ARHGEF26: variants seen among roughly 807,000 people sequenced by gnomAD.
ARHGEF26 encodes the protein Rho guanine nucleotide exchange factor (GEF) 26.
In ARHGEF26, 59 loss-of-function variants were observed where a neutral mutation model predicts 89.4. That is an observed-to-expected ratio of 0.66 (90% confidence interval 0.54 to 0.82). The LOEUF is 0.82. ARHGEF26 is among the 40% of genes least tolerant of loss of function. The pLI is 0.00. For synonymous variants in ARHGEF26, 500 were observed against 428.4 expected (o/e 1.17, Z -2.06); for missense variants, 1,234 against 1,085.6 (o/e 1.14, Z -1.92).
intron 6 of ARHGEF26, among the ~76,000 whole-genome samples, chr3:154,184,766 C>G (rs779736034): frequency 5.6e-4 from 85 of 152,208 alleles, no homozygotes; most frequent in Non-Finnish European, 1.1e-3. Context: ...TGCTCTGCTC[C>G]AGTTTTCTCG....
intron 9 of ARHGEF26, among the ~76,000 whole-genome samples, chr3:154,209,800 C>T (rs376612036): frequency 5.9e-5 from 9 of 152,196 alleles, no homozygotes; most frequent in African/African-American, 1.9e-4. Flanking sequence ...AGTCAGTCGA[C>T]GGCAAAGCCA....
At position 154,255,482 on chromosome 3, in the gene ARHGEF26, A is replaced by G; in HGVS notation, c.*9A>G. 4 of 1,609,942 alleles carry G rather than the reference A, an allele frequency of 2.5e-6. No homozygotes were observed. Among genetic ancestry groups the G allele is most frequent in the Non-Finnish European group, 3.4e-6 (4 of 1,178,060 alleles). ...TGGAGACCAACGTGTAGTCTCTCAG[A>G]TGGTCTTTTGTTACTGCAAGATTTG... is the stretch of plus-strand genomic sequence containing the variant. On this transcript the variant is annotated 3_prime_UTR_variant, in exon 15 of 15. Coordinates refer to ENST00000465093, the MANE Select transcript of ARHGEF26 (RefSeq NM_015595.4).
chr3:154,247,126 G>C (rs192372927), intron 12 of ARHGEF26, among the ~76,000 whole-genome samples: 1 of 151,674 alleles, frequency 6.6e-6, no homozygotes, highest in East Asian at 1.9e-4. Flanking sequence ...CCCTTTTTTT[G>C]AGATTATGTT....
chr3:154,223,882 T>G (rs993387), intron 10 of ARHGEF26, among the ~76,000 whole-genome samples: 30,976 of 152,068 alleles, frequency 0.2, 3,419 homozygotes, highest in South Asian at 0.36. Flanking sequence ...TTAAAAAAAT[T>G]ATTTGCTCTT....
At chr3:154,225,835 T>G (rs1252698728) in intron 10 of ARHGEF26, 21 bp from the exon 11 acceptor site, 1 of 1,577,810 alleles carries the variant, frequency 6.3e-7, no homozygotes, top group Non-Finnish European at 8.6e-7. Flanking sequence ...CTTTGGTCAC[T>G]GGGTTTTTCT....
chr3:154,212,253 C>T (rs552906237), intron 9 of ARHGEF26, among the ~76,000 whole-genome samples: 1 of 151,764 alleles, frequency 6.6e-6, no homozygotes, highest in East Asian at 1.9e-4. Context: ...ATTGCTTGAG[C>T]CCAGGTTGTT....
chr3:154,122,955 G>T lies in ARHGEF26; in HGVS notation c.963G>T (p.Val321=). The change falls in exon 2 of 15, where the codon GTG becomes GTT. Residue 321 remains valine, a synonymous_variant. Transcript: ENST00000465093. ...GGTCCACGTCTTATCGCAGGGCAGT[G>T]GTCAGTGGCTTTGATTTTGACAGTC... The part of the protein sequence containing the change: ...GLRSTSYRRA[V]VSGFDFDSPT... 6.2e-7 allele frequency: 1 copy of T among 1,613,744 alleles called. No individual in the cohort carries two copies.
At chr3:154,125,077 A>G (rs754927164) in intron 3 of ARHGEF26, among the ~76,000 whole-genome samples, 2 of 152,014 alleles carry the variant, frequency 1.3e-5, no homozygotes, top group South Asian at 2.1e-4. Context: ...CTGGAAGAGC[A>G]TGAAGGGAGC....
At chr3:154,244,352 T>G (rs1459060975) in intron 12 of ARHGEF26, among the ~76,000 whole-genome samples, 1 of 152,106 alleles carries the variant, frequency 6.6e-6, no homozygotes, top group East Asian at 1.9e-4. Context: ...TGGCTTTGAT[T>G]ACGTAAAGAA....
rs562117234 is a variant in ARHGEF26 at position 154,165,433 on chromosome 3, A to G, written c.1487+12501A>G. 6.3e-3 allele frequency among the ~76,000 whole-genome samples: 955 copies of G among 152,288 alleles called. 8 individuals carry two copies. Among genetic ancestry groups the G allele is most frequent in the African/African-American group, 0.022 (895 of 41,568 alleles). On this transcript the variant is annotated intron_variant, in intron 6 of 14. Transcript: ENST00000465093. ...TTTTCCAACTTAGAATGGGGAAAAC[A>G]GTATAATTATTTAGAACTAAGATAC...
intron 10 of ARHGEF26, among the ~76,000 whole-genome samples, chr3:154,222,529 C>T (rs928258932): frequency 6.6e-6 from 1 of 152,108 alleles, no homozygotes; most frequent in Non-Finnish European, 1.5e-5. Context: ...ATAGTACTTT[C>T]CCTCATGGAA....
intron 4 of ARHGEF26, among the ~76,000 whole-genome samples, chr3:154,144,695 C>G (rs1442990025): frequency 6.6e-6 from 1 of 152,170 alleles, no homozygotes. Context: ...AGCAAGTGTC[C>G]TGGTCTGCTT....
chr3:154,122,468 A>C lies in ARHGEF26; in HGVS notation c.476A>C (p.Glu159Ala). ...TPNAPAPCTPEEDLTGLTASP... is the reference protein window; with the variant it reads ...TPNAPAPCTPAEDLTGLTASP... ...AACGCGCCCGCCCCCTGCACCCCCG[A>C]GGAGGACCTTACTGGGTTGACTGCC... is the stretch of plus-strand genomic sequence containing the variant. The change falls in exon 2 of 15, where the codon GAG (glutamate) becomes GCG (alanine). Residue 159 changes from glutamate (E) to alanine (A), a missense_variant. Glu to Ala is a moderately radical substitution (Grantham distance 107). Transcript: ENST00000465093. The C allele has an allele frequency of 6.2e-7, 1 of 1,612,402 alleles. No homozygotes were observed. The highest frequency in any genetic ancestry group is 8.5e-7 in the Non-Finnish European group (1 of 1,179,660).
intron 6 of ARHGEF26, among the ~76,000 whole-genome samples, chr3:154,169,400 C>T (rs912881749): frequency 2.0e-5 from 3 of 152,016 alleles, no homozygotes; most frequent in Admixed American, 6.5e-5. Flanking sequence ...TCCTGACACG[C>T]GTGTTTCCAG....
chr3:154,199,145 A>T (rs1714466806), intron 9 of ARHGEF26, among the ~76,000 whole-genome samples: 1 of 151,954 alleles, frequency 6.6e-6, no homozygotes, highest in Non-Finnish European at 1.5e-5. Context: ...CATAGATCAT[A>T]TAGTAGGTCT....
chr3:154,184,103 G>T (rs1239666916), intron 6 of ARHGEF26, among the ~76,000 whole-genome samples: 1 of 151,780 alleles, frequency 6.6e-6, no homozygotes, highest in Non-Finnish European at 1.5e-5. Context: ...CTCCCGAGTA[G>T]CTGGGACTAC....
At chr3:154,168,997 G>T (rs201262204) in intron 6 of ARHGEF26, among the ~76,000 whole-genome samples, 2 of 151,342 alleles carry the variant, frequency 1.3e-5, no homozygotes, top group African/African-American at 4.9e-5. Flanking sequence ...AAAAAAAAAA[G>T]ATTAGAAATG....
At chr3:154,134,448 C>T (rs955958397) in intron 4 of ARHGEF26, among the ~76,000 whole-genome samples, 13 of 152,056 alleles carry the variant, frequency 8.5e-5, no homozygotes, top group African/African-American at 3.1e-4. Flanking sequence ...GAGAAACTTC[C>T]GTTTTTAAAA....
intron 4 of ARHGEF26, among the ~76,000 whole-genome samples, chr3:154,136,880 T>TTG (rs554707603): frequency 1.7e-3 from 259 of 152,308 alleles, no homozygotes; most frequent in African/African-American, 6.1e-3. Flanking sequence ...ATATCTTTTT[T>TTG]TGTGTGTGTA....
Sources: gnomAD v4.1 joint callset for allele counts (sites outside exome capture counted in the v4.1 genomes callset) on GRCh38, gnomAD v4.1.1 for gene constraint, MANE v1.5 for transcripts, NCBI Gene and HGNC (gene_info 2026-07-23, HGNC 2026-07-21) for gene names.